Variants in PPP1R1C observed in about 807,000 individuals in gnomAD.
The protein encoded by PPP1R1C is protein phosphatase 1 regulatory subunit 1C.
Under a neutral mutation model 17.4 loss-of-function variants are expected in PPP1R1C, and 15 were observed. The ratio of observed to expected loss-of-function variants is 0.86; its 90% CI spans 0.58 to 1.33. The LOEUF (loss-of-function observed/expected upper bound fraction) is 1.33. Among genes scored for constraint, PPP1R1C ranks in the 40% most tolerant of loss-of-function variants. The pLI is 0.00. For synonymous variants in PPP1R1C, 35 were observed against 43.1 expected, an observed-to-expected ratio of 0.81 and a Z score of 0.73; for missense variants, 143 against 130.0, an observed-to-expected ratio of 1.10 and a Z score of -0.48.
At chr2:182,036,353 T>C (rs955084536) in intron 2 of PPP1R1C, among the ~76,000 whole-genome samples, 27 of 152,180 alleles carry the variant, frequency 1.8e-4, no homozygotes, top group African/African-American at 6.0e-4. Context: ...GAATATAACA[T>C]GTTAAAATGC....
At chr2:182,001,266 G>A (rs1685758462) in intron 2 of PPP1R1C, among the ~76,000 whole-genome samples, 1 of 152,158 alleles carries the variant, frequency 6.6e-6, no homozygotes, top group Admixed American at 6.5e-5. Flanking sequence ...CAGGTAATTA[G>A]TGACTGCAGA....
intron 2 of PPP1R1C, among the ~76,000 whole-genome samples, chr2:182,021,200 A>G (rs552624352): frequency 1.3e-5 from 2 of 152,226 alleles, no homozygotes; most frequent in South Asian, 4.1e-4. Context: ...TGTGGTAGAA[A>G]GAGTCCTTAA....
At chr2:182,065,064 C>T (rs756831861) in intron 4 of PPP1R1C, among the ~76,000 whole-genome samples, 1 of 151,914 alleles carries the variant, frequency 6.6e-6, no homozygotes, top group Admixed American at 6.6e-5. Context: ...ATATTTAGTT[C>T]TCAAATATCA....
At chr2:181,973,034 A>G (rs1685038601) in intron 1 of PPP1R1C, among the ~76,000 whole-genome samples, 1 of 152,206 alleles carries the variant, frequency 6.6e-6, no homozygotes, top group Admixed American at 6.5e-5. Context: ...AAATCGTAAG[A>G]ACAGATGTAT....
At position 182,027,872 on chromosome 2, in the gene PPP1R1C, A is replaced by T. The variant is rs1275429767; in HGVS notation, c.143-33570A>T. Among the ~76,000 whole-genome samples the T allele has an allele frequency of 3.0e-5, 4 of 132,010 alleles. No homozygotes were observed. In the East Asian group the frequency reaches 9.1e-4, roughly 30 times the overall value. The allele number at this position is 132,010 out of a possible 152,430, so 86.6% of individuals were successfully genotyped here. On this transcript the variant is annotated intron_variant, in intron 2 of 4. Coordinates refer to ENST00000682840, the MANE Select transcript of PPP1R1C (RefSeq NM_001080545.3). ...CTTTTTGGTTGGTAAACTATTGATT[A>T]TTGCCACAATTTCAGCTCCTGTTAT...
At chr2:182,063,977 G>A (rs1032201310) in intron 4 of PPP1R1C, 186 bp downstream of exon 4, 21 of 466,562 alleles carry the variant, frequency 4.5e-5, no homozygotes, top group Admixed American at 1.1e-4. Context: ...TAAAATATGG[G>A]GTTGAAAAAG....
intron 2 of PPP1R1C, among the ~76,000 whole-genome samples, chr2:182,024,952 CT>C (rs527611180): frequency 0.016 from 2,090 of 134,298 alleles, 45 homozygotes; most frequent in African/African-American, 0.04. Flanking sequence ...ATATATTCTT[CT>C]TTTTTTTTTT....
intron 2 of PPP1R1C, among the ~76,000 whole-genome samples, chr2:182,031,272 A>T (rs2125171281): frequency 6.6e-6 from 1 of 152,346 alleles, no homozygotes; most frequent in Middle Eastern, 3.4e-3. Flanking sequence ...TGTAACAAGA[A>T]TTATCTGGCA....
chr2:182,091,066 T>A (rs1479479080), intron 4 of PPP1R1C, among the ~76,000 whole-genome samples: 1 of 152,204 alleles, frequency 6.6e-6, no homozygotes, highest in Non-Finnish European at 1.5e-5. Context: ...ATAGTGCCTG[T>A]ATTGATGAAG....
intron 4 of PPP1R1C, among the ~76,000 whole-genome samples, chr2:182,083,973 C>T (rs530532252): frequency 1.4e-4 from 21 of 152,048 alleles, no homozygotes; most frequent in Non-Finnish European, 3.1e-4. Flanking sequence ...GGGGTGAGGT[C>T]GTATTTCATT....
At chr2:182,032,666 C>T (rs1574396140) in intron 2 of PPP1R1C, among the ~76,000 whole-genome samples, 1 of 152,128 alleles carries the variant, frequency 6.6e-6, no homozygotes, top group Admixed American at 6.5e-5. Flanking sequence ...GGTTCAGGTT[C>T]TAGTTCCACT....
In PPP1R1C at chr2:182,010,332, T is replaced by C. The variant is rs116191737; in HGVS notation, c.142+22433T>C. 9.7e-3 allele frequency among the ~76,000 whole-genome samples: 1,483 copies of C among 152,154 alleles called. 23 individuals are homozygous for C. The highest frequency in any genetic ancestry group is 0.035 in the African/African-American group (1,438 of 41,560). The stretch of plus-strand genomic sequence containing the variant: ...TTTTACAGTTTTCATTGTAGAAATC[T>C]TTTACTTCTTTAATTAAGTTTATTC... On this transcript the variant is annotated intron_variant, in intron 2 of 4. Transcript: ENST00000682840.
At chr2:181,991,452 A>T (rs1159607877) in intron 2 of PPP1R1C, among the ~76,000 whole-genome samples, 1 of 152,210 alleles carries the variant, frequency 6.6e-6, no homozygotes, top group Non-Finnish European at 1.5e-5. Flanking sequence ...AAATCAGTTT[A>T]ACTCAAAATA....
rs1183826544 is a variant in PPP1R1C, at chr2:181,979,628, G to A, written n.157+4364G>A. ...AAAGCTAGGCTCAGTTGGGGGTATC[G>A]GGGTATCTACTTTTGCAAAGAAATG... On this transcript the variant is annotated intron_variant and non_coding_transcript_variant, in intron 2 of 5. Transcript: ENST00000464264. Among the ~76,000 whole-genome samples, 7 of 152,220 alleles carry A rather than the reference G, an allele frequency of 4.6e-5. No individual in the cohort carries two copies. The South Asian group carries it at 8.3e-4, about 18-fold the overall frequency.
intron 4 of PPP1R1C, among the ~76,000 whole-genome samples, chr2:182,097,165 A>T (rs1688964626): frequency 6.6e-6 from 1 of 152,212 alleles, no homozygotes; most frequent in Admixed American, 6.5e-5. Flanking sequence ...TAATTAATAA[A>T]CTTTCTGGTC....
intron 2 of PPP1R1C, among the ~76,000 whole-genome samples, chr2:182,035,611 A>G: frequency 6.6e-6 from 1 of 151,970 alleles, no homozygotes; most frequent in African/African-American, 2.4e-5. Context: ...TCTCATGACA[A>G]AGTTCTCATG....
intron 2 of PPP1R1C, among the ~76,000 whole-genome samples, chr2:182,030,430 C>G (rs901465561): frequency 1.3e-5 from 2 of 151,240 alleles, no homozygotes; most frequent in East Asian, 1.9e-4. Context: ...TTCCTTCTAA[C>G]AGACAGGACC....
upstream of PPP1R1C, among the ~76,000 whole-genome samples, chr2:181,983,957 C>G (rs1417834176): frequency 6.6e-6 from 1 of 152,136 alleles, no homozygotes; most frequent in African/African-American, 2.4e-5. Context: ...TGTCTCTGAT[C>G]AACCTATTCA....
chr2:182,126,507 C>T (rs1689878499), intron 5 of PPP1R1C, among the ~76,000 whole-genome samples: 1 of 151,842 alleles, frequency 6.6e-6, no homozygotes, highest in Non-Finnish European at 1.5e-5. Context: ...CAGAGAAGAG[C>T]TTTATAAAAA....
Sources: allele counts gnomAD v4.1 joint callset (sites outside exome capture counted in the v4.1 genomes callset), GRCh38; gene constraint gnomAD v4.1.1; transcripts MANE v1.5; gene names NCBI Gene and HGNC (gene_info 2026-07-23, HGNC 2026-07-21).